Variants in TRANK1 observed in about 807,000 individuals in gnomAD.
TRANK1 encodes the protein TPR and ankyrin repeat-containing protein 1.
Under a neutral mutation model 266.0 loss-of-function variants are expected in TRANK1, and 198 were observed. The ratio of observed to expected loss-of-function variants is 0.74; its 90% CI spans 0.66 to 0.84. The LOEUF (loss-of-function observed/expected upper bound fraction) is 0.84, where lower values mean the gene tolerates loss of function less well. TRANK1 is among the 40% of genes least tolerant of loss of function. The probability of loss-of-function intolerance (pLI) is 0.00; values close to 1 mark genes in which losing one functional copy is unlikely to be tolerated. For synonymous variants in TRANK1, 1,396 were observed against 1,384.1 expected (o/e 1.01, Z -0.19); for missense variants, 3,326 against 3,634.6 (o/e 0.92, Z 2.18).
Position 36,836,032 on chromosome 3 carries a change from A to G in TRANK1, c.5518-1125T>C, listed in dbSNP as rs564664727. 1.1e-3 allele frequency among the ~76,000 whole-genome samples: 170 copies of G among 152,310 alleles called. 3 individuals are homozygous for G. The South Asian group carries it at 0.034, about 31-fold the overall frequency. On this transcript the variant is annotated intron_variant, in intron 20 of 23. Transcript: ENST00000645898. ...TAAATAAAAATGCTCAACTTTACTG[A>G]CAATCAGAAGAATACAAATTAAAGC... is the stretch of plus-strand genomic sequence containing the variant.
At chr3:36,911,380 A>T (rs1372869638) in intron 1 of TRANK1, among the ~76,000 whole-genome samples, 1 of 152,222 alleles carries the variant, frequency 6.6e-6, no homozygotes, top group African/African-American at 2.4e-5. Flanking sequence ...CTTACTAATC[A>T]GACCATAAAT....
At chr3:36,929,717 A>G (rs2080335145) in intron 1 of TRANK1, among the ~76,000 whole-genome samples, 1 of 152,212 alleles carries the variant, frequency 6.6e-6, no homozygotes, top group East Asian at 1.9e-4. Context: ...ATTACATGGT[A>G]AAAGGAAGTT....
chr3:36,832,962 T>C lies in TRANK1; in HGVS notation c.6621A>G (p.Glu2207=), dbSNP rs766706493. The C allele has an allele frequency of 1.2e-6, 2 of 1,611,508 alleles. No homozygotes were observed. Among genetic ancestry groups the C allele is most frequent in the East Asian group, 4.5e-5 (2 of 44,852 alleles). Residue 2207 remains glutamate, a synonymous_variant, in exon 22 of 24, where the codon GAA becomes GAG. Coordinates refer to ENST00000645898, the MANE Select transcript of TRANK1 (RefSeq NM_001329998.2). The stretch of plus-strand genomic sequence containing the variant: ...AACGCCGCAGAGGCCTGTGAAAATG[T>C]TCACAGTTTTCATCCTCACATTTTA... ...VGLKCEDENC[E]HFHRPLRRCE... is the part of the protein sequence containing the mutation.
chr3:36,892,361 G>A lies in TRANK1; in HGVS notation c.637-21C>T, dbSNP rs1256837066. On this transcript the variant is annotated intron_variant, in intron 6 of 23. Transcript: ENST00000645898. ...TATTTCTGGGGAAAAAAAACACACA[G>A]GACAAATTATGGAAGTCACTAATCA... 7.2e-6 allele frequency: 11 copies of A among 1,536,642 alleles called. No individual in the cohort carries two copies. The East Asian group carries it at 2.4e-4, about 34-fold the overall frequency.
chr3:36,923,412 C>T (rs1157943632), intron 1 of TRANK1, among the ~76,000 whole-genome samples: 9 of 152,122 alleles, frequency 5.9e-5, no homozygotes, highest in Non-Finnish European at 1.0e-4. Context: ...TGCGCCACCA[C>T]GCCCAGCTAA....
chr3:36,918,637 A>AAGAGAAAGAAAGAGAGAGAGAGAAAG (rs2080171923), intron 1 of TRANK1, among the ~76,000 whole-genome samples: 1 of 139,248 alleles, frequency 7.2e-6, no homozygotes, highest in East Asian at 2.1e-4. Flanking sequence ...GAAAGAAAGA[A>AAGAGAAAGAAAGAGAGAGAGAGAAAG]AGAGAAAGAA....
rs377358678 is a variant in TRANK1, at chr3:36,857,830, G to A, written c.1892C>T (p.Ala631Val). The stretch of plus-strand genomic sequence containing the variant: ...GTCGTTCTTCTTAATCCGGTGCCGT[G>A]CATCTTTGCCCTCTTTGTTCTTCAG... ...FNLKNKEGKD[A>V]RHRIKKNDSL... The change falls in exon 13 of 24, where the codon GCA becomes GTA. Residue 631 changes from alanine (A) to valine (V), a missense_variant. Physicochemically the swap from Ala to Val is moderately conservative, Grantham distance 64. Coordinates refer to ENST00000645898, the MANE Select transcript of TRANK1 (RefSeq NM_001329998.2). The surrounding 1 kb of genome is among the most constrained non-coding windows in gnomAD (Gnocchi z 4.3). 1.4e-5 allele frequency: 23 copies of A among 1,613,792 alleles called. No homozygotes were observed. Among genetic ancestry groups the A allele is most frequent in the Non-Finnish European group, 1.9e-5 (22 of 1,179,912 alleles).
intron 23 of TRANK1, 131 bp from the exon 24 acceptor site, chr3:36,828,506 ATT>A: frequency 1.5e-6 from 1 of 663,320 alleles, no homozygotes; most frequent in East Asian, 2.8e-5. Flanking sequence ...CAGAATGGTG[ATT>A]TTTTTTCCCA....
chr3:36,937,841 A>G (rs569075914), intron 1 of TRANK1, among the ~76,000 whole-genome samples: 1 of 152,352 alleles, frequency 6.6e-6, no homozygotes, highest in African/African-American at 2.4e-5. Flanking sequence ...CAGGCACTCC[A>G]GTGACAGCCA....
At chr3:36,865,067 G>A (rs185210958) in intron 9 of TRANK1, among the ~76,000 whole-genome samples, 187 of 119,200 alleles carry the variant, frequency 1.6e-3, no homozygotes, top group African/African-American at 5.9e-3. Flanking sequence ...TTACTCTATC[G>A]CCCAGGCTGG....
chr3:36,851,075 G>T (rs1409490858), intron 15 of TRANK1: 1 of 985,392 alleles, frequency 1.0e-6, no homozygotes, highest in Non-Finnish European at 1.2e-6. Flanking sequence ...AATGAACTAA[G>T]CTTGGGGAGA....
Position 36,903,178 on chromosome 3 carries a change from A to G in TRANK1, c.253T>C (p.Cys85Arg). The G allele has an allele frequency of 6.5e-7, 1 of 1,537,334 alleles. No individual in the cohort carries two copies. Among genetic ancestry groups the G allele is most frequent in the Non-Finnish European group, 8.7e-7 (1 of 1,146,924 alleles). ...WNEAFVAAKE[C>R]LQWDPTYVKG... is the part of the protein sequence containing the mutation. ...ACGTAGGTTGGATCCCATTGGAGAC[A>G]TTCCTTGGCAGCAACAAATGCCTCA... The change falls in exon 3 of 24, where the codon TGT (cysteine) becomes CGT (arginine). Residue 85 changes from cysteine to arginine, a missense_variant. Physicochemically the swap from Cys to Arg is radical, Grantham distance 180 (BLOSUM62 -3). Coordinates refer to ENST00000645898, the MANE Select transcript of TRANK1 (RefSeq NM_001329998.2).
Position 36,832,253 on chromosome 3 carries a change from G to A in TRANK1, c.7330C>T (p.Pro2444Ser), listed in dbSNP as rs1405622297. ...GTGTTTCCAATGCTGGGGATGAGTGGTTCTTTGCACCTCTTGATGAGGACA... is the reference window on the plus strand; with the variant it reads ...GTGTTTCCAATGCTGGGGATGAGTGATTCTTTGCACCTCTTGATGAGGACA... ...MNVLIKRCKE[P>S]LIPSIGNTVA... The change falls in exon 22 of 24, where the codon CCA becomes TCA. Residue 2444 changes from proline to serine, a missense_variant. Coordinates refer to ENST00000645898, the MANE Select transcript of TRANK1 (RefSeq NM_001329998.2). The A allele has an allele frequency of 1.2e-6, 2 of 1,613,934 alleles. No homozygotes were observed. The highest frequency in any genetic ancestry group is 8.5e-7 in the Non-Finnish European group (1 of 1,179,894).
chr3:36,860,835 G>A (rs2079131701), intron 11 of TRANK1, 71 bp downstream of exon 11: 31 of 1,508,422 alleles, frequency 2.1e-5, no homozygotes, highest in Non-Finnish European at 2.7e-5. Context: ...GGAAAGGCAG[G>A]CAGTGGCCTG....
In TRANK1 at chr3:36,874,108, A is replaced by G. The variant is rs943803072; in HGVS notation, c.1078+18T>C. The G allele has an allele frequency of 1.3e-5, 20 of 1,529,238 alleles. No homozygotes were observed. In the African/African-American group the frequency reaches 2.3e-4, roughly 18 times the overall value. The allele number at this position is 1,529,238 out of a possible 1,614,324, so 94.7% of individuals were successfully genotyped here. A position where few individuals can be genotyped will look rare whatever the true frequency, so the allele number is the denominator to read the frequency against. ...CCAGTTTTATGCCCCCCAAAAGTTA[A>G]TACACTGGAAGCTGTACCTGATAGG... On this transcript the variant is annotated intron_variant, in intron 9 of 23. Coordinates refer to ENST00000645898, the MANE Select transcript of TRANK1 (RefSeq NM_001329998.2).
At chr3:36,862,962 A>C (rs1311030780) in intron 10 of TRANK1, among the ~76,000 whole-genome samples, 2 of 152,156 alleles carry the variant, frequency 1.3e-5, no homozygotes, top group Admixed American at 6.5e-5. Flanking sequence ...TTTCAATAGG[A>C]AGAGCTATAA....
chr3:36,859,057 C>T (rs903025674), intron 11 of TRANK1, among the ~76,000 whole-genome samples, 163 bp from the exon 12 acceptor site: 5 of 152,218 alleles, frequency 3.3e-5, no homozygotes, highest in Non-Finnish European at 7.3e-5. Flanking sequence ...AAGGCTTCTG[C>T]CAGTAGCCAC....
rs1320141143 is a variant in TRANK1 at position 36,856,561 on chromosome 3, A to T, written c.3161T>A (p.Val1054Glu). 6.2e-7 allele frequency: 1 copy of T among 1,613,848 alleles called. No individual in the cohort carries two copies. The highest frequency in any genetic ancestry group is 8.5e-7 in the Non-Finnish European group (1 of 1,179,866). The change falls in exon 13 of 24, where the codon GTG becomes GAG. Residue 1054 changes from valine to glutamate, a missense_variant. By Grantham distance (121) the Val-to-Glu change is moderately radical. Coordinates refer to ENST00000645898, the MANE Select transcript of TRANK1 (RefSeq NM_001329998.2). ...TTATVEYPFRVGELEYAVIDL... is the reference protein window; with the variant it reads ...TTATVEYPFREGELEYAVIDL... ...GATCACCGCGTACTCAAGCTCACCCACCCGGAAGGGGTACTCCACTGTGGC... is the reference window on the plus strand; with the variant it reads ...GATCACCGCGTACTCAAGCTCACCCTCCCGGAAGGGGTACTCCACTGTGGC...
chr3:36,842,677 G>A lies in TRANK1; in HGVS notation c.5225C>T (p.Thr1742Ile). The part of the protein sequence containing the change: ...FDDSMFVKTS[T>I]PAEWIAQGDY... ...TCCCTGTGCAATCCACTCCGCAGGA[G>A]TTGAGGTCTTAACGAACATGCTATC... The change falls in exon 18 of 24, where the codon ACT (threonine) becomes ATT (isoleucine). Residue 1742 changes from threonine (T) to isoleucine (I), a missense_variant. Transcript: ENST00000645898. 1 of 1,613,976 alleles carries A rather than the reference G, an allele frequency of 6.2e-7. No homozygotes were observed. Among genetic ancestry groups the A allele is most frequent in the South Asian group, 1.1e-5 (1 of 91,054 alleles).
Sources: allele counts gnomAD v4.1 joint callset (sites outside exome capture counted in the v4.1 genomes callset), GRCh38; gene constraint gnomAD v4.1.1; non-coding constraint Gnocchi (gnomAD v3.1); transcripts MANE v1.5; gene names NCBI Gene and HGNC (gene_info 2026-07-23, HGNC 2026-07-21).